Variants in NXN observed in about 807,000 individuals in gnomAD.
NXN encodes the protein nucleoredoxin.
NXN carries 16 observed loss-of-function variants against 48.6 expected under a neutral mutation model. That is an observed-to-expected ratio of 0.33 (90% CI 0.22 to 0.50). NXN has a LOEUF of 0.50. NXN is among the 20% of genes least tolerant of loss of function. NXN has a pLI of 0.98. For synonymous variants in NXN, 281 were observed against 269.6 expected (o/e 1.04, Z -0.41); for missense variants, 492 against 605.5 (o/e 0.81, Z 1.97).
At chr17:843,019 A>AG (rs1914444478) in intron 1 of NXN, among the ~76,000 whole-genome samples, 1 of 110,208 alleles carries the variant, frequency 9.1e-6, no homozygotes, top group Non-Finnish European at 2.0e-5. Flanking sequence ...AAAGAAAGAA[A>AG]GAAAGAAAGA....
chr17:840,530 A>G (rs1000669514), intron 1 of NXN, among the ~76,000 whole-genome samples: 46 of 152,204 alleles, frequency 3.0e-4, no homozygotes, highest in Non-Finnish European at 4.6e-4. Flanking sequence ...TAGTAGAGAC[A>G]GGGTTTCACC....
At chr17:833,045 C>T (rs935693408) in intron 1 of NXN, among the ~76,000 whole-genome samples, 1 of 152,118 alleles carries the variant, frequency 6.6e-6, no homozygotes, top group Non-Finnish European at 1.5e-5. Flanking sequence ...CACCTGCCAC[C>T]ACGCCCAGCT....
At chr17:841,824 G>A (rs544000763) in intron 1 of NXN, among the ~76,000 whole-genome samples, 90 of 152,288 alleles carry the variant, frequency 5.9e-4, no homozygotes, top group Non-Finnish European at 8.8e-4. Flanking sequence ...GATTAAACCT[G>A]TTCTACATCC....
chr17:823,747 C>A lies in NXN; in HGVS notation c.497G>T (p.Gly166Val). The change falls in exon 3 of 8, where the codon GGA becomes GTA. Residue 166 changes from glycine (G) to valine (V), a missense_variant. Around this residue, in one of 3 missense-constraint regions of NXN, gnomAD observed 303 missense variants for 388.3 expected, o/e 0.78. Transcript: ENST00000336868. The part of the protein sequence containing the change: ...DDPEGLEFPW[G>V]PKPFREVIAG... ...AATGACTTCCCTGAAGGGTTTCGGT[C>A]CCCAGGGGAACTCCAGACCTGAAAC... 1 of 1,614,108 alleles carries A rather than the reference C, an allele frequency of 6.2e-7. No homozygotes were observed.
chr17:873,493 C>CAAAA (rs71145783), intron 1 of NXN, among the ~76,000 whole-genome samples: 9 of 74,994 alleles, frequency 1.2e-4, no homozygotes, highest in African/African-American at 2.5e-4. Context: ...ACACTGTCTC[C>CAAAA]AAAAAAAAAA....
At chr17:807,618 G>A (rs559636263) in intron 5 of NXN, among the ~76,000 whole-genome samples, 32 of 149,616 alleles carry the variant, frequency 2.1e-4, no homozygotes, top group Non-Finnish European at 4.0e-4. Context: ...GGGCTTCCCC[G>A]AGGAACGGCT....
In NXN at chr17:932,730, C is replaced by T. The variant is rs575796668; in HGVS notation, c.360+46589G>A. ...GGCAGCGAGTGGGCTGTGTGGTCCCCGGACAAGCAGCTGAGTGGGTGGGGA... is the reference window on the plus strand; with the variant it reads ...GGCAGCGAGTGGGCTGTGTGGTCCCTGGACAAGCAGCTGAGTGGGTGGGGA... On this transcript the variant is annotated intron_variant, in intron 1 of 7. Coordinates refer to ENST00000336868, the MANE Select transcript of NXN (RefSeq NM_022463.5). This position sits in a 1 kb window ranked among gnomAD's most constrained non-coding sequence, Gnocchi z 4.1. 1.7e-3 allele frequency among the ~76,000 whole-genome samples: 265 copies of T among 152,286 alleles called. 1 individual carries two copies. The highest frequency in any genetic ancestry group is 6.0e-3 in the African/African-American group (251 of 41,568).
intron 1 of NXN, among the ~76,000 whole-genome samples, chr17:965,556 T>A (rs2069292086): frequency 6.6e-6 from 1 of 152,040 alleles, no homozygotes; most frequent in Non-Finnish European, 1.5e-5. Context: ...CATAATCCAA[T>A]CAGGGCAAGT....
In NXN at chr17:932,244, C is replaced by A. The variant is rs753864362; in HGVS notation, c.360+47075G>T. On this transcript the variant is annotated intron_variant, in intron 1 of 7. Transcript: ENST00000336868. This position sits in a 1 kb window ranked among gnomAD's most constrained non-coding sequence, Gnocchi z 4.1. ...TGATCTGAAGAGTCTGTCTACCTGC[C>A]CAGCTACCAACCCAAACCGGCCTTG... 6.6e-6 allele frequency among the ~76,000 whole-genome samples: 1 copy of A among 152,142 alleles called. No individual in the cohort carries two copies. Among genetic ancestry groups the A allele is most frequent in the Non-Finnish European group, 1.5e-5 (1 of 68,040 alleles).
intron 1 of NXN, among the ~76,000 whole-genome samples, chr17:949,963 G>A (rs2069091066): frequency 6.6e-6 from 1 of 152,020 alleles, no homozygotes; most frequent in Admixed American, 6.6e-5. Flanking sequence ...GAAGCAATTA[G>A]CCCCAGGTCC....
At chr17:819,657 T>A in intron 4 of NXN, 112 bp from the exon 5 acceptor site, 1 of 737,310 alleles carries the variant, frequency 1.4e-6, no homozygotes, top group African/African-American at 1.8e-5. Flanking sequence ...CCGGGGTTTC[T>A]AACCACTGTG....
At chr17:925,072 C>T (rs1017491616) in intron 1 of NXN, among the ~76,000 whole-genome samples, 2 of 152,238 alleles carry the variant, frequency 1.3e-5, no homozygotes, top group South Asian at 2.1e-4. Context: ...AAAGCCTCTG[C>T]ATCTCTTGTT....
rs529060248 is a variant in NXN at position 825,645 on chromosome 17, T to C, written c.478+316A>G. 15 of 263,256 alleles carry C rather than the reference T, an allele frequency of 5.7e-5. No individual in the cohort carries two copies. Among genetic ancestry groups the C allele is most frequent in the African/African-American group, 3.4e-4 (15 of 44,326 alleles). The allele number at this position is 263,256 out of a possible 1,614,324, so 16.3% of individuals were successfully genotyped here. A position where few individuals can be genotyped will look rare whatever the true frequency, so the allele number is the denominator to read the frequency against. The stretch of plus-strand genomic sequence containing the variant: ...GGGGCAGCCGCCACGGATGCAGCAC[T>C]AGAGGCCGGGGTCTGAGCTCTCCGC... On this transcript the variant is annotated intron_variant, in intron 2 of 7. Transcript: ENST00000336868. The surrounding 1 kb of genome is among the most constrained non-coding windows in gnomAD (Gnocchi z 4.1).
intron 3 of NXN, among the ~76,000 whole-genome samples, chr17:823,105 A>T (rs1912902422): frequency 6.7e-6 from 1 of 150,010 alleles, no homozygotes; most frequent in Non-Finnish European, 1.5e-5. Flanking sequence ...GTCTCAAAAA[A>T]AAAAAAAAGG....
chr17:906,569 TG>T (rs1438938019), intron 1 of NXN, among the ~76,000 whole-genome samples: 3 of 73,740 alleles, frequency 4.1e-5, no homozygotes, highest in Non-Finnish European at 9.8e-5. Context: ...TTTTGGTTTC[TG>T]GGTTTTTTTT....
intron 1 of NXN, among the ~76,000 whole-genome samples, chr17:871,399 CTTTTTTTTT>C (rs11345310): frequency 1.2e-4 from 12 of 101,702 alleles, no homozygotes; most frequent in Admixed American, 1.3e-4. Flanking sequence ...TACGCATTCA[CTTTTTTTTT>C]TTTTTTTTTT....
At chr17:963,166 T>C (rs1167514598) in intron 1 of NXN, among the ~76,000 whole-genome samples, 1 of 147,936 alleles carries the variant, frequency 6.8e-6, no homozygotes, top group Non-Finnish European at 1.5e-5. Flanking sequence ...CCAAGACCCA[T>C]TTAAAAGGCT....
At chr17:955,234 C>G (rs1468130017) in intron 1 of NXN, among the ~76,000 whole-genome samples, 2 of 141,838 alleles carry the variant, frequency 1.4e-5, no homozygotes, top group Non-Finnish European at 1.5e-5. Flanking sequence ...GTGCTATGTT[C>G]TCAGCTCACT....
intron 1 of NXN, among the ~76,000 whole-genome samples, chr17:953,539 G>A (rs956138189): frequency 4.6e-5 from 7 of 152,154 alleles, no homozygotes; most frequent in East Asian, 1.9e-4. Flanking sequence ...TAACTTCCTC[G>A]CGCCCAGCAT....
Sources: allele counts gnomAD v4.1 joint callset (sites outside exome capture counted in the v4.1 genomes callset), GRCh38; gene constraint gnomAD v4.1.1; regional missense constraint gnomAD v4.1.1; non-coding constraint Gnocchi (gnomAD v3.1); transcripts MANE v1.5; gene names NCBI Gene and HGNC (gene_info 2026-07-23, HGNC 2026-07-21).